STX18: variants seen among roughly 807,000 people sequenced by gnomAD.
STX18 encodes the protein syntaxin 18.
STX18 carries 40 observed loss-of-function variants against 50.1 expected under a neutral mutation model. That is an observed-to-expected ratio of 0.80 (90% CI 0.62 to 1.04). The LOEUF (loss-of-function observed/expected upper bound fraction) is 1.04. Ranked by LOEUF, STX18 falls within the 50% of genes least tolerant of loss-of-function variation. The probability of loss-of-function intolerance (pLI) is 0.00; values close to 1 mark genes in which losing one functional copy is unlikely to be tolerated. For synonymous variants in STX18, 158 were observed against 151.8 expected (o/e 1.04, Z -0.30); for missense variants, 410 against 415.8 (o/e 0.99, Z 0.12).
chr4:4,508,443 C>T (rs761011667), intron 1 of STX18, among the ~76,000 whole-genome samples: 7 of 151,924 alleles, frequency 4.6e-5, no homozygotes, highest in Non-Finnish European at 7.4e-5. Context: ...ATAAAATATA[C>T]ATGAGAAGTT....
intron 1 of STX18, among the ~76,000 whole-genome samples, chr4:4,499,033 A>T (rs983471794): frequency 6.6e-6 from 1 of 152,260 alleles, no homozygotes; most frequent in Non-Finnish European, 1.5e-5. Flanking sequence ...AGAAGCTGAA[A>T]GTGCCACTTC....
chr4:4,419,811 C>T lies in STX18; in HGVS notation c.*223G>A. On this transcript the variant is annotated 3_prime_UTR_variant, in exon 11 of 11. Transcript: ENST00000306200. ...TGATGAGGGCTACGCAGGCTGCCTC[C>T]CATTGGTGTGCACTGTTTCCTTTTT... The T allele has an allele frequency of 2.0e-6, 1 of 492,242 alleles. No individual in the cohort carries two copies. The highest frequency in any genetic ancestry group is 2.4e-5 in the South Asian group (1 of 42,152). The allele number at this position is 492,242 out of a possible 1,614,324, so 30.5% of individuals were successfully genotyped here.
At chr4:4,448,025 G>T (rs1394595797) in intron 5 of STX18, among the ~76,000 whole-genome samples, 1 of 152,188 alleles carries the variant, frequency 6.6e-6, no homozygotes, top group Non-Finnish European at 1.5e-5. Flanking sequence ...CACTGTGAAG[G>T]GGGAAGGACT....
intron 1 of STX18, among the ~76,000 whole-genome samples, chr4:4,530,081 G>C (rs539210535): frequency 1.3e-5 from 2 of 151,900 alleles, no homozygotes; most frequent in Non-Finnish European, 2.9e-5. Flanking sequence ...CTAATCAAAA[G>C]CTATTAATTC....
intron 2 of STX18, among the ~76,000 whole-genome samples, chr4:4,466,263 G>A (rs1345837162): frequency 6.6e-6 from 1 of 152,142 alleles, no homozygotes. Flanking sequence ...GACATGTGTG[G>A]ATTGGAGTGA....
At chr4:4,437,619 T>A in intron 6 of STX18, 1 of 985,340 alleles carries the variant, frequency 1.0e-6, no homozygotes. Flanking sequence ...GCCTAGCATC[T>A]GGAAGACAAG....
chr4:4,519,655 T>C (rs1180130808), intron 1 of STX18, among the ~76,000 whole-genome samples: 4 of 152,012 alleles, frequency 2.6e-5, no homozygotes, highest in African/African-American at 9.7e-5. Context: ...AATGCTCAAA[T>C]GAGATTTTAA....
At chr4:4,440,241 T>A (rs1726034048) in intron 5 of STX18, among the ~76,000 whole-genome samples, 1 of 152,280 alleles carries the variant, frequency 6.6e-6, no homozygotes, top group African/African-American at 2.4e-5. Flanking sequence ...TAGGGTGATA[T>A]TACTAATGCC....
chr4:4,539,510 C>T (rs1731483430), intron 1 of STX18, among the ~76,000 whole-genome samples: 1 of 152,164 alleles, frequency 6.6e-6, no homozygotes, highest in African/African-American at 2.4e-5. Flanking sequence ...GCAATGACAA[C>T]ATAAAATCAA....
intron 1 of STX18, among the ~76,000 whole-genome samples, chr4:4,535,742 T>A (rs1560215584): frequency 6.6e-6 from 1 of 152,220 alleles, no homozygotes; most frequent in Non-Finnish European, 1.5e-5. Context: ...CCTCCATTGT[T>A]TCCCAATCCT....
At chr4:4,448,388 T>C (rs1259738737) in intron 5 of STX18, among the ~76,000 whole-genome samples, 5 of 151,826 alleles carry the variant, frequency 3.3e-5, no homozygotes, top group Non-Finnish European at 5.9e-5. Flanking sequence ...ATCACCCAGG[T>C]TGGAGTGCAG....
At chr4:4,439,680 T>C (rs1270665988) in intron 5 of STX18, among the ~76,000 whole-genome samples, 2 of 151,334 alleles carry the variant, frequency 1.3e-5, no homozygotes, top group African/African-American at 4.9e-5. Context: ...AAGTCACATC[T>C]TAATATAAGT....
intron 2 of STX18, among the ~76,000 whole-genome samples, chr4:4,471,185 G>A (rs1399506245): frequency 9.2e-5 from 14 of 152,216 alleles, no homozygotes; most frequent in Non-Finnish European, 1.3e-4. Context: ...GCATGATCCA[G>A]CGACGTGAGG....
At chr4:4,487,728 G>A (rs1402440204) in intron 1 of STX18, among the ~76,000 whole-genome samples, 1 of 152,124 alleles carries the variant, frequency 6.6e-6, no homozygotes, top group Non-Finnish European at 1.5e-5. Flanking sequence ...CTAAATGTCA[G>A]AAAATATTAA....
intron 1 of STX18, among the ~76,000 whole-genome samples, chr4:4,509,009 T>C (rs1729869921): frequency 6.6e-6 from 1 of 152,246 alleles, no homozygotes; most frequent in Admixed American, 6.5e-5. Flanking sequence ...TTGTGAATAG[T>C]GCTGCAGTGA....
At chr4:4,526,941 T>C (rs1198346123) in intron 1 of STX18, among the ~76,000 whole-genome samples, 1 of 152,232 alleles carries the variant, frequency 6.6e-6, no homozygotes, top group Non-Finnish European at 1.5e-5. Context: ...TACCCACAGA[T>C]AGGTATTTAG....
intron 1 of STX18, among the ~76,000 whole-genome samples, chr4:4,524,091 C>T (rs945956771): frequency 5.3e-5 from 8 of 152,200 alleles, no homozygotes; most frequent in African/African-American, 7.2e-5. Context: ...GTCTCACTCA[C>T]GTTTGTACAC....
intron 1 of STX18, among the ~76,000 whole-genome samples, chr4:4,489,474 T>C (rs1202987591): frequency 7.9e-6 from 1 of 127,150 alleles, no homozygotes; most frequent in East Asian, 2.6e-4. Context: ...GGTCTCAGAC[T>C]CCTGGGCTCA....
intron 3 of STX18, among the ~76,000 whole-genome samples, chr4:4,459,062 G>GCACACACACACACA (rs60704649): frequency 0.014 from 2,029 of 144,372 alleles, 21 homozygotes; most frequent in South Asian, 0.028. Context: ...ACACACACAC[G>GCACACACACACACA]CACACACACA....
Sources: gnomAD v4.1 joint callset for allele counts (sites outside exome capture counted in the v4.1 genomes callset) on GRCh38, gnomAD v4.1.1 for gene constraint, MANE v1.5 for transcripts, NCBI Gene and HGNC (gene_info 2026-07-23, HGNC 2026-07-21) for gene names.